Variants in GNG7 observed in about 807,000 individuals in gnomAD.
GNG7 encodes the protein guanine nucleotide-binding protein G(I)/G(S)/G(O) subunit gamma-7.
GNG7 carries 1 observed loss-of-function variant against 4.0 expected under a neutral mutation model. The ratio of observed to expected loss-of-function variants is 0.25; its 90% CI spans 0.09 to 1.18. GNG7 has a LOEUF of 1.18. GNG7 is among the 50% of genes most tolerant of loss of function. The pLI, the probability that GNG7 is intolerant of heterozygous loss-of-function variation, is 0.50. For missense variants in GNG7, 86 were observed against 91.9 expected (o/e 0.94, Z 0.26); for synonymous variants, 34 against 36.9 (o/e 0.92, Z 0.29).
chr19:2,512,297 C>A lies in GNG7; in HGVS notation c.*2725G>T, dbSNP rs964482071. ...ACATGTGGCGGTCGGTGTGTGCACT[C>A]GGGTGCCACGTCTGCAAAGGTATTT... On this transcript the variant is annotated 3_prime_UTR_variant, in exon 5 of 5. Coordinates refer to ENST00000382159, the MANE Select transcript of GNG7 (RefSeq NM_052847.3). The surrounding 1 kb of genome is among the most constrained non-coding windows in gnomAD (Gnocchi z 4.7). 1 of 985,488 alleles carries A rather than the reference C, an allele frequency of 1.0e-6. No individual in the cohort carries two copies. The highest frequency in any genetic ancestry group is 1.2e-6 in the Non-Finnish European group (1 of 829,894). 61.0% of individuals were successfully genotyped at this position (985,488 alleles called of 1,614,324 possible).
At chr19:2,624,145 C>T (rs1033553703) in intron 2 of GNG7, among the ~76,000 whole-genome samples, 1 of 151,978 alleles carries the variant, frequency 6.6e-6, no homozygotes, top group Admixed American at 6.6e-5. Context: ...GGTGCAGCAC[C>T]ATGCAAATGT....
At chr19:2,685,768 C>T (rs936786995) in intron 1 of GNG7, among the ~76,000 whole-genome samples, 3 of 152,170 alleles carry the variant, frequency 2.0e-5, no homozygotes, top group African/African-American at 4.8e-5. Flanking sequence ...CGTGACCGCC[C>T]GGTGTCCTCC....
At chr19:2,665,448 GCAA>G (rs1185437039) in intron 1 of GNG7, among the ~76,000 whole-genome samples, 2 of 152,108 alleles carry the variant, frequency 1.3e-5, no homozygotes, top group Non-Finnish European at 2.9e-5. Context: ...GGTGAGACGG[GCAA>G]CAAGGATTTG....
At chr19:2,519,344 C>T (rs1449014262) in intron 4 of GNG7, among the ~76,000 whole-genome samples, 10 of 150,634 alleles carry the variant, frequency 6.6e-5, no homozygotes, top group Non-Finnish European at 1.5e-5. Context: ...TTAGGAGAGA[C>T]GGGGTTTCAC....
At chr19:2,612,686 ATTTTTTTTTTTTTTTGAGAAAT>A (rs1451445746) in intron 2 of GNG7, among the ~76,000 whole-genome samples, 36 of 135,900 alleles carry the variant, frequency 2.6e-4, no homozygotes, top group Non-Finnish European at 5.0e-4. Flanking sequence ...ACAGCTTAGA[ATTTTTTTTTTTTTTTGAGAAAT>A]TTTTTTTTTT....
At chr19:2,648,994 T>C (rs544153763) in intron 1 of GNG7, among the ~76,000 whole-genome samples, 2 of 152,024 alleles carry the variant, frequency 1.3e-5, no homozygotes, top group Admixed American at 1.3e-4. Flanking sequence ...GCTCAAGCGA[T>C]CCTCCTTCCT....
chr19:2,615,361 G>A (rs1199882645), intron 2 of GNG7, among the ~76,000 whole-genome samples: 2 of 151,530 alleles, frequency 1.3e-5, no homozygotes, highest in Non-Finnish European at 2.9e-5. Context: ...GGGTCGGCAA[G>A]GATGTCCTCT....
At chr19:2,700,203 G>C (rs948659619) in intron 1 of GNG7, among the ~76,000 whole-genome samples, 13 of 150,698 alleles carry the variant, frequency 8.6e-5, no homozygotes, top group Non-Finnish European at 4.4e-5. Context: ...GTGCAATGGC[G>C]TGATCTTGGC....
intron 3 of GNG7, among the ~76,000 whole-genome samples, chr19:2,540,457 C>A (rs1372208022): frequency 6.6e-6 from 1 of 152,186 alleles, no homozygotes; most frequent in Non-Finnish European, 1.5e-5. Context: ...GGCCTGTGCT[C>A]TAAGACTGAT....
At chr19:2,540,254 C>T (rs1041247388) in intron 3 of GNG7, among the ~76,000 whole-genome samples, 3 of 151,888 alleles carry the variant, frequency 2.0e-5, no homozygotes, top group Non-Finnish European at 2.9e-5. Context: ...GGGCCTAAGC[C>T]GTTCTCCTGC....
At chr19:2,552,706 A>C (rs1026648307) in intron 3 of GNG7, among the ~76,000 whole-genome samples, 9 of 151,810 alleles carry the variant, frequency 5.9e-5, no homozygotes, top group Admixed American at 4.6e-4. Flanking sequence ...TAGTTGCAGG[A>C]AACAAGCTCC....
intron 1 of GNG7, chr19:2,700,606 TC>T (rs1913378704): frequency 6.6e-6 from 1 of 152,096 alleles, no homozygotes; most frequent in Non-Finnish European, 1.5e-5. Context: ...CTGGATTGAG[TC>T]CATTATTCTC....
chr19:2,525,700 C>T (rs569208518), intron 3 of GNG7, among the ~76,000 whole-genome samples: 159 of 152,074 alleles, frequency 1.0e-3, no homozygotes, highest in Non-Finnish European at 1.7e-3. Flanking sequence ...CCCCTTGCTC[C>T]GGCAGTTATC....
At chr19:2,540,136 G>GTCTC (rs777968940) in intron 3 of GNG7, among the ~76,000 whole-genome samples, 3 of 129,906 alleles carry the variant, frequency 2.3e-5, no homozygotes, top group African/African-American at 8.7e-5. Context: ...CCTTCCTTCC[G>GTCTC]TCTCTCTCTC....
chr19:2,702,176 G>GC (rs1913418840), intron 1 of GNG7, among the ~76,000 whole-genome samples: 2 of 67,628 alleles, frequency 3.0e-5, no homozygotes, highest in East Asian at 4.1e-4. Flanking sequence ...CTCACCCCCA[G>GC]CCCCCTCCTC....
intron 3 of GNG7, among the ~76,000 whole-genome samples, chr19:2,540,903 CACTCCCGGCTCGATAA>C (rs1978938894): frequency 6.6e-6 from 1 of 152,212 alleles, no homozygotes; most frequent in Non-Finnish European, 1.5e-5. Flanking sequence ...GGGAAAGTGC[CACTCCCGGCTCGATAA>C]ACCGACCAGG....
At chr19:2,536,055 T>C (rs368261097) in intron 3 of GNG7, among the ~76,000 whole-genome samples, 5 of 148,500 alleles carry the variant, frequency 3.4e-5, no homozygotes, top group South Asian at 2.1e-4. Flanking sequence ...AGTCCAGGAG[T>C]TGGAGGCTGC....
chr19:2,568,875 CACAT>C (rs1980053190), intron 2 of GNG7, among the ~76,000 whole-genome samples: 1 of 152,032 alleles, frequency 6.6e-6, no homozygotes, highest in Admixed American at 6.6e-5. Context: ...CAAGTACACA[CACAT>C]ACTCATGTGC....
At chr19:2,562,022 G>A (rs1012280936) in intron 2 of GNG7, among the ~76,000 whole-genome samples, 2 of 152,010 alleles carry the variant, frequency 1.3e-5, no homozygotes, top group Non-Finnish European at 2.9e-5. Context: ...AGGCTCTTCT[G>A]GGAGACCAGC....
Sources: allele counts gnomAD v4.1 joint callset (sites outside exome capture counted in the v4.1 genomes callset), GRCh38; gene constraint gnomAD v4.1.1; non-coding constraint Gnocchi (gnomAD v3.1); transcripts MANE v1.5; gene names NCBI Gene and HGNC (gene_info 2026-07-23, HGNC 2026-07-21).